Variants in PKD1L1 observed in about 807,000 individuals in gnomAD.
The protein encoded by PKD1L1 is polycystin-1-like protein 1.
A neutral mutation model predicts 323.4 loss-of-function variants in PKD1L1; 236 were observed. The ratio of observed to expected loss-of-function variants is 0.73; its 90% confidence interval spans 0.66 to 0.81. PKD1L1 has a LOEUF of 0.81. Among genes scored for constraint, PKD1L1 ranks in the 40% least tolerant of loss-of-function variants. PKD1L1 has a pLI of 0.00. For missense variants in PKD1L1, 3,320 were observed against 3,508.0 expected (o/e 0.95, Z 1.35); for synonymous variants, 1,344 against 1,335.0 (o/e 1.01, Z -0.15).
chr7:47,854,324 C>G (rs1785849996), intron 30 of PKD1L1, among the ~76,000 whole-genome samples: 1 of 152,172 alleles, frequency 6.6e-6, no homozygotes, highest in Non-Finnish European at 1.5e-5. Flanking sequence ...GGAAGGTGAT[C>G]AAGGCCCTGC....
At chr7:47,954,691 T>A in the PKD1L1 span, among the ~76,000 whole-genome samples, 1 of 152,222 alleles carries the variant, frequency 6.6e-6, no homozygotes, top group Non-Finnish European at 1.5e-5. Flanking sequence ...AATGCTCACA[T>A]TTTACGCTTC....
chr7:47,902,034 GAAAAGAAAAGAAAAGAAAAGAAAA>G (rs914362171), intron 13 of PKD1L1, among the ~76,000 whole-genome samples: 2 of 138,108 alleles, frequency 1.4e-5, no homozygotes, highest in East Asian at 2.1e-4. Context: ...GAAAGGAAAG[GAAAAGAAAAGAAAAGAAAAGAAAA>G]AAAAGAAAAG....
At chr7:47,956,814 C>G in the PKD1L1 span, 1 of 155,788 alleles carries the variant, frequency 6.4e-6, no homozygotes, top group African/African-American at 2.4e-5. Context: ...AACTGATAAC[C>G]AAATGATGAT....
chr7:47,849,209 C>A (rs1785728379), intron 31 of PKD1L1, among the ~76,000 whole-genome samples: 1 of 152,152 alleles, frequency 6.6e-6, no homozygotes, highest in South Asian at 2.1e-4. Context: ...CGAGCTGGAT[C>A]AAAGACTTAA....
Position 47,873,989 on chromosome 7 carries a change from G to GGT in PKD1L1, c.3805_3806insAC (p.Thr1269AsnfsTer16). ...CTGGACCTTGGAGCCTTTGCCATCT[G>GGT]TGATTTCAGTGGAAACCATGACTGT... is the stretch of plus-strand genomic sequence containing the variant. On this transcript the variant is annotated frameshift_variant, in exon 24 of 57. Transcript: ENST00000289672. LOFTEE classifies it high-confidence loss of function. 1 of 1,612,128 alleles carries GGT rather than the reference G, an allele frequency of 6.2e-7. No homozygotes were observed. The highest frequency in any genetic ancestry group is 8.5e-7 in the Non-Finnish European group (1 of 1,178,450).
intron 45 of PKD1L1, among the ~76,000 whole-genome samples, chr7:47,825,035 C>T (rs1273247010): frequency 1.3e-5 from 2 of 152,150 alleles, no homozygotes; most frequent in Admixed American, 6.5e-5. Flanking sequence ...AGTGGCTGTA[C>T]CATTTTGCAT....
rs769872640 is a variant in PKD1L1 at position 47,866,415 on chromosome 7, A to G, written c.4092+4T>C. 3 of 1,612,806 alleles carry G rather than the reference A, an allele frequency of 1.9e-6. No individual in the cohort carries two copies. Among genetic ancestry groups the G allele is most frequent in the East Asian group, 2.2e-5 (1 of 44,850 alleles). On this transcript the variant is annotated splice_donor_region_variant and intron_variant, in intron 25 of 56. Coordinates refer to ENST00000289672, the MANE Select transcript of PKD1L1 (RefSeq NM_138295.5). ...CACTAAACTCACCCTCCTCTGAGCC[A>G]TACCTGATCTACAAAAGCCAATCTG...
intron 34 of PKD1L1, among the ~76,000 whole-genome samples, chr7:47,842,650 G>A (rs1785585282): frequency 6.6e-6 from 1 of 152,136 alleles, no homozygotes. Context: ...AAGCTCAGAA[G>A]AGTACAACTC....
chr7:47,793,047 T>TA lies in PKD1L1; in HGVS notation c.8356-251dup, dbSNP rs372134868. 6.0e-3 allele frequency among the ~76,000 whole-genome samples: 886 copies of TA among 146,460 alleles called. 29 individuals carry two copies. Among genetic ancestry groups the TA allele is most frequent in the African/African-American group, 0.021 (834 of 40,570 alleles). On this transcript the variant is annotated intron_variant, in intron 55 of 56. Coordinates refer to ENST00000289672, the MANE Select transcript of PKD1L1 (RefSeq NM_138295.5). Reference sequence around the variant, plus strand: ...AATGCTACAGTTAATAATGCCTACATAAAAAAAACTATTGAATGGATTTAA... The same window carrying TA: ...AATGCTACAGTTAATAATGCCTACATAAAAAAAAACTATTGAATGGATTTAA...
chr7:47,799,595 G>A (rs1784616945), intron 54 of PKD1L1, among the ~76,000 whole-genome samples: 1 of 152,234 alleles, frequency 6.6e-6, no homozygotes, highest in African/African-American at 2.4e-5. Flanking sequence ...GTGCAATGAG[G>A]AGGCATGCTC....
At position 47,915,599 on chromosome 7, in the gene PKD1L1, C is replaced by T. The variant is rs369075538; in HGVS notation, c.1061G>A (p.Gly354Asp). ...AAAATGTAAAAGATGAAAAAAAATACCTATAAAAGCAAAAAGAAGAAAATA... is the reference window on the plus strand; with the variant it reads ...AAAATGTAAAAGATGAAAAAAAATATCTATAAAAGCAAAAAGAAGAAAATA... ...AVTAYHQYSKGIFFHLLHFQL... is the reference protein window; with the variant it reads ...AVTAYHQYSKDIFFHLLHFQL... The change falls in exon 8 of 57, where the codon GGT (glycine) becomes GAT (aspartate). Residue 354 changes from glycine (G) to aspartate (D), a missense_variant and splice_region_variant. Gly to Asp is a moderately conservative substitution (Grantham distance 94, BLOSUM62 -1). Coordinates refer to ENST00000289672, the MANE Select transcript of PKD1L1 (RefSeq NM_138295.5). 2.0e-6 allele frequency: 3 copies of T among 1,481,818 alleles called. No homozygotes were observed. Among genetic ancestry groups the T allele is most frequent in the Non-Finnish European group, 2.8e-6 (3 of 1,087,490 alleles). The allele number at this position is 1,481,818 out of a possible 1,614,324, so 91.8% of individuals were successfully genotyped here. A position where few individuals can be genotyped will look rare whatever the true frequency, so the allele number is the denominator to read the frequency against.
In PKD1L1 at chr7:47,882,034, C is replaced by T. The variant is rs758937372; in HGVS notation, c.3317G>A (p.Ser1106Asn). The change falls in exon 20 of 57, where the codon AGC (serine) becomes AAC (asparagine). Residue 1106 changes from serine to asparagine, a missense_variant. Ser to Asn is a conservative substitution (Grantham distance 46). Coordinates refer to ENST00000289672, the MANE Select transcript of PKD1L1 (RefSeq NM_138295.5). The stretch of plus-strand genomic sequence containing the variant: ...CACCAGGTTATCCCCATCTCCAGGG[C>T]TCTCCTCGGCACTCAAGCTAGGTCC... ...GSGPSLSAEE[S>N]PGDGDNLVDP... 6 of 1,613,900 alleles carry T rather than the reference C, an allele frequency of 3.7e-6. No homozygotes were observed. In the African/African-American group the frequency reaches 5.3e-5, roughly 14 times the overall value.
At chr7:47,905,434 G>A in intron 10 of PKD1L1, 109 bp from the exon 11 acceptor site, 1 of 1,238,706 alleles carries the variant, frequency 8.1e-7, no homozygotes, top group East Asian at 2.3e-5. Context: ...GAGTGATGGT[G>A]AGGAAGCTCT....
At chr7:47,822,594 C>CAAAAAAAAAAAAAAA (rs745820560) in intron 45 of PKD1L1, among the ~76,000 whole-genome samples, 1 of 71,402 alleles carries the variant, frequency 1.4e-5, no homozygotes. Context: ...GACTCCGTCT[C>CAAAAAAAAAAAAAAA]AAAAAAAAAA....
intron 55 of PKD1L1, among the ~76,000 whole-genome samples, chr7:47,794,184 A>T (rs534429251): frequency 2.0e-5 from 3 of 152,222 alleles, no homozygotes; most frequent in Non-Finnish European, 4.4e-5. Context: ...AGTAGCAAGC[A>T]GCCTAATGTT....
chr7:47,820,917 C>T (rs1435026325), intron 46 of PKD1L1, among the ~76,000 whole-genome samples, 159 bp downstream of exon 46: 2 of 152,078 alleles, frequency 1.3e-5, no homozygotes, highest in African/African-American at 4.8e-5. Flanking sequence ...AAGAACGTGT[C>T]CAAAGTCTGT....
At chr7:47,821,774 C>T (rs369667848) in intron 45 of PKD1L1, among the ~76,000 whole-genome samples, 10 of 151,178 alleles carry the variant, frequency 6.6e-5, no homozygotes, top group African/African-American at 2.4e-4. Context: ...TGCAACCTCC[C>T]CGTCCCCAGT....
chr7:47,776,289 A>C (rs750838983), intron 56 of PKD1L1, among the ~76,000 whole-genome samples: 3 of 152,250 alleles, frequency 2.0e-5, no homozygotes, highest in Non-Finnish European at 4.4e-5. Context: ...CGGAAAACTG[A>C]AGCAGAGAGA....
At chr7:47,891,457 T>C (rs1171394792) in intron 15 of PKD1L1, among the ~76,000 whole-genome samples, 1 of 152,208 alleles carries the variant, frequency 6.6e-6, no homozygotes, top group African/African-American at 2.4e-5. Flanking sequence ...ATGGAAATGT[T>C]TGTGGCTAGG....
Sources: allele counts gnomAD v4.1 joint callset (sites outside exome capture counted in the v4.1 genomes callset), GRCh38; gene constraint gnomAD v4.1.1; transcripts MANE v1.5; gene names NCBI Gene and HGNC (gene_info 2026-07-23, HGNC 2026-07-21).